The following CDYL variants were observed in gnomAD, a reference collection of about 807,000 sequenced individuals.
CDYL encodes the protein chromodomain Y like.
Under a neutral mutation model 47.3 loss-of-function variants are expected in CDYL, and 8 were observed. That is an observed-to-expected ratio of 0.17 (90% CI 0.10 to 0.31). The LOEUF (loss-of-function observed/expected upper bound fraction) is 0.31. Among genes scored for constraint, CDYL ranks in the 10% least tolerant of loss-of-function variants. The pLI is 1.00. For synonymous variants in CDYL, 266 were observed against 265.0 expected (o/e 1.00, Z -0.04); for missense variants, 471 against 701.4 (o/e 0.67, Z 3.71).
intron 1 of CDYL, among the ~76,000 whole-genome samples, chr6:4,859,905 T>G (rs371651833): frequency 1.5e-4 from 23 of 149,458 alleles, no homozygotes; most frequent in East Asian, 9.7e-4. Context: ...GTCTTTTTTT[T>G]TCTTTTTTTT....
At chr6:4,730,007 T>A (rs1225894696) in intron 2 of CDYL, among the ~76,000 whole-genome samples, 1 of 152,170 alleles carries the variant, frequency 6.6e-6, no homozygotes, top group Admixed American at 6.5e-5. Flanking sequence ...GACAATTTTC[T>A]TATAAGAAAT....
intron 1 of CDYL, among the ~76,000 whole-genome samples, chr6:4,840,333 T>C (rs1760450257): frequency 6.6e-6 from 1 of 152,206 alleles, no homozygotes; most frequent in Admixed American, 6.5e-5. Context: ...TCTTGGTATA[T>C]GATCATGTCA....
chr6:4,943,341 G>A (rs1298718211), intron 4 of CDYL, among the ~76,000 whole-genome samples: 5 of 152,144 alleles, frequency 3.3e-5, no homozygotes, highest in Admixed American at 6.5e-5. Flanking sequence ...CACTACATGC[G>A]TGGGCTCCAG....
At chr6:4,721,902 G>A (rs774827002) in intron 2 of CDYL, among the ~76,000 whole-genome samples, 3 of 150,902 alleles carry the variant, frequency 2.0e-5, no homozygotes, top group Non-Finnish European at 3.0e-5. Flanking sequence ...TTGCTCTGTC[G>A]CCCAGGCTGA....
chr6:4,880,565 C>G (rs1362736259), intron 1 of CDYL, among the ~76,000 whole-genome samples: 2 of 152,156 alleles, frequency 1.3e-5, no homozygotes. Flanking sequence ...ATCGTGATTG[C>G]TGAATCATAT....
Position 4,861,630 on chromosome 6 carries a change from A to G in CDYL, c.25-30083A>G, listed in dbSNP as rs554016758. ...TGTTTTCATGAGTAAAGCTGTCACA[A>G]TATTTTCCTATGTTGAAGTTATCTT... On this transcript the variant is annotated intron_variant, in intron 1 of 6. Transcript: ENST00000397588. Among the ~76,000 whole-genome samples, 5 of 152,322 alleles carry G rather than the reference A, an allele frequency of 3.3e-5. No homozygotes were observed. The South Asian group carries it at 6.2e-4, about 19-fold the overall frequency.
At chr6:4,858,274 C>G (rs1001441979) in intron 1 of CDYL, among the ~76,000 whole-genome samples, 1 of 152,144 alleles carries the variant, frequency 6.6e-6, no homozygotes, top group African/African-American at 2.4e-5. Context: ...AAGGGAAACT[C>G]GGAAAAATCT....
chr6:4,706,742 T>C (rs1360474567), intron 1 of CDYL, among the ~76,000 whole-genome samples: 1 of 152,146 alleles, frequency 6.6e-6, no homozygotes, highest in African/African-American at 2.4e-5. Context: ...TGAGTCGAGA[T>C]GGCACCACTG....
intron 1 of CDYL, among the ~76,000 whole-genome samples, chr6:4,853,570 C>G (rs1760916096): frequency 6.6e-6 from 1 of 152,174 alleles, no homozygotes; most frequent in African/African-American, 2.4e-5. Context: ...TCTCTTGAGT[C>G]TCTTCTCAGC....
At chr6:4,737,229 A>G (rs1236506118) in intron 3 of CDYL, among the ~76,000 whole-genome samples, 1 of 152,360 alleles carries the variant, frequency 6.6e-6, no homozygotes, top group South Asian at 2.1e-4. Flanking sequence ...TTGAGACAGT[A>G]GAAGCTTTCT....
intron 5 of CDYL, among the ~76,000 whole-genome samples, chr6:4,947,252 C>T (rs1435211436): frequency 6.6e-6 from 1 of 152,184 alleles, no homozygotes; most frequent in East Asian, 1.9e-4. Context: ...GGGGGGCTTA[C>T]GTGTTCTGAT....
In CDYL at chr6:4,738,345, C is replaced by T. The variant is rs921709060; in HGVS notation, c.186+3501C>T. ...TGAGCCAAGATTATACACCATTGCA[C>T]CTCAGCGTGGGTGACCAAGTGAGAC... On this transcript the variant is annotated intron_variant, in intron 3 of 8. Transcript: ENST00000328908. 2.5e-4 allele frequency among the ~76,000 whole-genome samples: 38 copies of T among 152,196 alleles called. 1 individual carries two copies. The highest frequency in any genetic ancestry group is 6.8e-3 in the Middle Eastern group (2 of 294).
At chr6:4,724,372 A>AAGG (rs1235282600) in intron 2 of CDYL, 1 of 152,072 alleles carries the variant, frequency 6.6e-6, no homozygotes, top group Non-Finnish European at 1.5e-5. Flanking sequence ...TATAATTCCA[A>AAGG]AGGTGAGGGT....
chr6:4,896,993 A>G (rs1473925687), intron 2 of CDYL, among the ~76,000 whole-genome samples: 2 of 152,200 alleles, frequency 1.3e-5, no homozygotes, highest in African/African-American at 2.4e-5. Flanking sequence ...CAAAGGCTTA[A>G]ATGAATATAT....
At chr6:4,856,110 C>G (rs1344511969) in intron 1 of CDYL, among the ~76,000 whole-genome samples, 1 of 152,180 alleles carries the variant, frequency 6.6e-6, no homozygotes, top group Non-Finnish European at 1.5e-5. Flanking sequence ...GTGGTCACAG[C>G]ACAGGTATCT....
At chr6:4,738,548 C>G (rs1393909584) in intron 3 of CDYL, among the ~76,000 whole-genome samples, 1 of 152,140 alleles carries the variant, frequency 6.6e-6, no homozygotes, top group African/African-American at 2.4e-5. Context: ...TAGAGAGGAT[C>G]GTGGGAAACC....
chr6:4,854,327 A>T (rs892617210), intron 1 of CDYL, among the ~76,000 whole-genome samples: 15 of 152,192 alleles, frequency 9.9e-5, no homozygotes, highest in Non-Finnish European at 8.8e-5. Context: ...CAGCATCCGC[A>T]GTTCACATCA....
At chr6:4,855,117 A>T (rs1249423848) in intron 1 of CDYL, among the ~76,000 whole-genome samples, 1 of 152,212 alleles carries the variant, frequency 6.6e-6, no homozygotes, top group Non-Finnish European at 1.5e-5. Flanking sequence ...AGGATTTTAG[A>T]TTGACTATAT....
rs1393824248 is a variant in CDYL at position 4,928,152 on chromosome 6, C to T, written c.692-7363C>T. 2.0e-5 allele frequency among the ~76,000 whole-genome samples: 3 copies of T among 152,118 alleles called. No individual in the cohort carries two copies. The East Asian group carries it at 5.8e-4, about 29-fold the overall frequency. ...TGTCTTCCTGCTAAATCTTCACCAC[C>T]AAGGTTTTAATTGGAAGTCTACTAG... is the stretch of plus-strand genomic sequence containing the variant. On this transcript the variant is annotated intron_variant, in intron 2 of 6. Coordinates refer to ENST00000397588, the MANE Select transcript of CDYL (RefSeq NM_004824.4).
Sources: allele counts gnomAD v4.1 joint callset (sites outside exome capture counted in the v4.1 genomes callset), GRCh38; gene constraint gnomAD v4.1.1; transcripts MANE v1.5; gene names NCBI Gene and HGNC (gene_info 2026-07-23, HGNC 2026-07-21).